GNE: variants seen among roughly 807,000 people sequenced by gnomAD.
GNE encodes bifunctional UDP-N-acetylglucosamine 2-epimerase/N-acetylmannosamine kinase.
Under a neutral mutation model 61.8 loss-of-function variants are expected in GNE, and 41 were observed. The observed-to-expected ratio is 0.66, with a 90% CI of 0.52 to 0.86. GNE has a LOEUF of 0.86. Among genes scored for constraint, GNE ranks in the 40% least tolerant of loss-of-function variants. The pLI is 0.00. For missense variants in GNE, 608 were observed against 909.1 expected, an observed-to-expected ratio of 0.67 and a Z score of 4.26; for synonymous variants, 264 against 326.4, an observed-to-expected ratio of 0.81 and a Z score of 2.06.
upstream of GNE, among the ~76,000 whole-genome samples, chr9:36,262,881 G>T (rs577126920): frequency 6.6e-6 from 1 of 152,098 alleles, no homozygotes; most frequent in Admixed American, 6.6e-5. Flanking sequence ...CGTGTATTTC[G>T]TAGCCTAAAC....
chr9:36,260,762 G>A (rs10972811), upstream of GNE, among the ~76,000 whole-genome samples: 16,098 of 150,788 alleles, frequency 0.11, 1,194 homozygotes, highest in South Asian at 0.2. Context: ...CCAGCTACTC[G>A]GGAGGCTGAG....
upstream of GNE, chr9:36,258,550 C>T (rs35078360): frequency 0.21 from 201,974 of 976,502 alleles, 21,321 homozygotes; most frequent in Non-Finnish European, 0.22. Context: ...AGAGAGCTCG[C>T]GTGATTGGCT....
chr9:36,245,261 C>T (rs1230662205), intron 3 of GNE, among the ~76,000 whole-genome samples: 1 of 151,608 alleles, frequency 6.6e-6, no homozygotes, highest in Non-Finnish European at 1.5e-5. Flanking sequence ...AAGACTCTGT[C>T]TCAAAAAACA....
At chr9:36,233,812 C>T in intron 5 of GNE, 108 bp downstream of exon 5, 1 of 871,738 alleles carries the variant, frequency 1.1e-6, no homozygotes. Context: ...TAACCTCATT[C>T]ACTCACTTGT....
In GNE at chr9:36,223,406, C is replaced by T. The variant is rs771303552; in HGVS notation, c.1378G>A (p.Ala460Thr). ...AAAATTCTGCAGTTCAGTTTTACAGCTTCTGCTGCAGCTTCCACACACATC... is the reference window on the plus strand; with the variant it reads ...AAAATTCTGCAGTTCAGTTTTACAGTTTCTGCTGCAGCTTCCACACACATC... The part of the protein sequence containing the change: ...LQMCVEAAAE[A>T]VKLNCRILGV... Residue 460 changes from alanine (A) to threonine (T), a missense_variant, in exon 8 of 12, where the codon GCT becomes ACT. Coordinates refer to ENST00000642385, the MANE Select transcript of GNE (RefSeq NM_005476.7). The T allele has an allele frequency of 1.2e-6, 2 of 1,613,622 alleles. No homozygotes were observed. The highest frequency in any genetic ancestry group is 1.1e-5 in the South Asian group (1 of 91,076).
Position 36,227,451 on chromosome 9 carries a change from T to C in GNE, c.1078A>G (p.Ile360Val), listed in dbSNP as rs1422424029. 6.3e-7 allele frequency: 1 copy of C among 1,594,194 alleles called. No individual in the cohort carries two copies. The highest frequency in any genetic ancestry group is 1.1e-5 in the South Asian group (1 of 90,662). Reference protein sequence around the residue: ...QFGKQYPCSKIYGDGNAVPRI... With the variant: ...QFGKQYPCSKVYGDGNAVPRI... Reference sequence around the variant, plus strand: ...GGAACAGCATTTCCATCCCCATATATCTTTGAACTGCAATATACAAAAAGT... The same window carrying C: ...GGAACAGCATTTCCATCCCCATATACCTTTGAACTGCAATATACAAAAAGT... The change falls in exon 7 of 12, where the codon ATA becomes GTA. Residue 360 changes from isoleucine to valine, a missense_variant. Physicochemically the swap from Ile to Val is conservative, Grantham distance 29. Coordinates refer to ENST00000642385, the MANE Select transcript of GNE (RefSeq NM_005476.7).
intron 1 of GNE, among the ~76,000 whole-genome samples, chr9:36,257,094 C>T (rs1015513625): frequency 6.6e-6 from 1 of 152,046 alleles, no homozygotes; most frequent in Non-Finnish European, 1.5e-5. Flanking sequence ...ATCCCAGCTA[C>T]TTGGGAGGCT....
At chr9:36,251,575 C>T (rs957568333) in intron 1 of GNE, among the ~76,000 whole-genome samples, 2 of 152,106 alleles carry the variant, frequency 1.3e-5, no homozygotes, top group African/African-American at 2.4e-5. Flanking sequence ...AGGCATACAC[C>T]ACTGAGCCAG....
chr9:36,231,095 GAGAGAGAGAA>G (rs1264281224), intron 5 of GNE, among the ~76,000 whole-genome samples: 33 of 113,312 alleles, frequency 2.9e-4, no homozygotes, highest in African/African-American at 1.1e-3. Flanking sequence ...GAAAGAAAGA[GAGAGAGAGAA>G]AGAGAAAGAA....
chr9:36,247,951 G>C (rs980127962), intron 2 of GNE, among the ~76,000 whole-genome samples: 1 of 149,106 alleles, frequency 6.7e-6, no homozygotes, highest in African/African-American at 2.5e-5. Flanking sequence ...ACTTGAACCC[G>C]GGAGGTGGAA....
In GNE at chr9:36,223,002, C is replaced by T. The variant is rs146067766; in HGVS notation, c.1412-4G>A. 653 of 1,611,726 alleles carry T rather than the reference C, an allele frequency of 4.1e-4. 4 individuals are homozygous for T. In the East Asian group the frequency reaches 0.012, roughly 30 times the overall value. On this transcript the variant is annotated splice_polypyrimidine_tract_variant and splice_region_variant and intron_variant, in intron 8 of 11. Transcript: ENST00000642385. ...ACACGGCCACCTGTGGAAATGCCTG[C>T]GCTCCACCACAAACACAAGGAAATA...
At chr9:36,274,560 G>T (rs1470775379) in intron 1 of GNE, among the ~76,000 whole-genome samples, 3 of 151,678 alleles carry the variant, frequency 2.0e-5, no homozygotes, top group Admixed American at 6.6e-5. Context: ...TTACATCCTG[G>T]GCTTGCAAGA....
chr9:36,233,793 A>G, intron 5 of GNE, 127 bp downstream of exon 5: 1 of 801,034 alleles, frequency 1.2e-6, no homozygotes, highest in African/African-American at 1.7e-5. Flanking sequence ...TTAGGCTTCA[A>G]CTGGTTATTA....
intron 8 of GNE, 34 bp downstream of exon 8, chr9:36,223,339 G>GA (rs750542542): frequency 3.2e-6 from 5 of 1,584,430 alleles, no homozygotes; most frequent in Non-Finnish European, 4.3e-6. Flanking sequence ...ACATTAAAAT[G>GA]AGCATTTCTT....
chr9:36,238,370 T>A (rs1829494575), intron 3 of GNE, among the ~76,000 whole-genome samples: 1 of 152,222 alleles, frequency 6.6e-6, no homozygotes, highest in South Asian at 2.1e-4. Context: ...ACACCAGCAG[T>A]GTAGAAGTGT....
intron 9 of GNE, among the ~76,000 whole-genome samples, chr9:36,220,417 C>T (rs1828535385): frequency 6.6e-6 from 1 of 152,232 alleles, no homozygotes; most frequent in Admixed American, 6.5e-5. Context: ...GGGCAACCTG[C>T]AACCGAGGCA....
upstream of GNE, among the ~76,000 whole-genome samples, chr9:36,259,117 T>G (rs1285578045): frequency 6.6e-6 from 1 of 152,226 alleles, no homozygotes; most frequent in East Asian, 1.9e-4. Flanking sequence ...AGGGTCTCAC[T>G]ATGTTGTCCA....
intron 3 of GNE, among the ~76,000 whole-genome samples, chr9:36,238,505 T>G (rs928010434): frequency 6.6e-6 from 1 of 152,232 alleles, no homozygotes; most frequent in Non-Finnish European, 1.5e-5. Flanking sequence ...ATTAGTGATG[T>G]TCAGCATTTT....
At chr9:36,255,289 C>T (rs1830284780) in intron 1 of GNE, among the ~76,000 whole-genome samples, 1 of 152,102 alleles carries the variant, frequency 6.6e-6, no homozygotes, top group East Asian at 1.9e-4. Context: ...CTCACTGTAA[C>T]CTCCACCTCC....
Sources: gnomAD v4.1 joint callset for allele counts (sites outside exome capture counted in the v4.1 genomes callset) on GRCh38, gnomAD v4.1.1 for gene constraint, MANE v1.5 for transcripts, NCBI Gene and HGNC (gene_info 2026-07-23, HGNC 2026-07-21) for gene names.